ECM2: variants seen among roughly 807,000 people sequenced by gnomAD.
The protein encoded by ECM2 is extracellular matrix protein 2, also known as extracellular matrix protein 2, female organ and adipocyte specific.
A neutral mutation model predicts 67.5 loss-of-function variants in ECM2; 57 were observed. That is an observed-to-expected ratio of 0.84 (90% CI 0.68 to 1.05). ECM2 has a LOEUF of 1.05. Among genes scored for constraint, ECM2 ranks in the 50% least tolerant of loss-of-function variants. The probability of loss-of-function intolerance (pLI) is 0.00; values close to 1 mark genes in which losing one functional copy is unlikely to be tolerated. For missense variants in ECM2, 741 were observed against 822.8 expected (o/e 0.90, Z 1.22); for synonymous variants, 258 against 294.5 (o/e 0.88, Z 1.27).
chr9:92,539,722 C>CT (rs1470583183), upstream of ECM2, among the ~76,000 whole-genome samples: 1 of 152,058 alleles, frequency 6.6e-6, no homozygotes, highest in East Asian at 1.9e-4. Context: ...GTTCAAATGC[C>CT]TTTTAAGCTA....
At chr9:92,542,610 G>A in the ECM2 span, among the ~76,000 whole-genome samples, 681 of 151,742 alleles carry the variant, frequency 4.5e-3, 3 homozygotes, top group Middle Eastern at 6.8e-3. Flanking sequence ...TCTGCCTCCC[G>A]GGTTCAAGTA....
the ECM2 span, among the ~76,000 whole-genome samples, chr9:92,549,367 G>A: frequency 1.3e-5 from 2 of 152,142 alleles, no homozygotes; most frequent in African/African-American, 4.8e-5. Context: ...ACTAGATGAA[G>A]CTGGCCCAGT....
At chr9:92,545,737 A>G in the ECM2 span, among the ~76,000 whole-genome samples, 3 of 152,158 alleles carry the variant, frequency 2.0e-5, no homozygotes, top group African/African-American at 7.2e-5. Context: ...TCTAGTGGGG[A>G]TTTGGAGAAC....
chr9:92,524,151 G>A (rs1848247782), intron 1 of ECM2, among the ~76,000 whole-genome samples: 2 of 152,070 alleles, frequency 1.3e-5, no homozygotes, highest in Admixed American at 6.6e-5. Context: ...TTTCCCAGCC[G>A]TTTTCTGTTT....
At chr9:92,558,268 G>C in the ECM2 span, among the ~76,000 whole-genome samples, 3 of 152,162 alleles carry the variant, frequency 2.0e-5, no homozygotes, top group Non-Finnish European at 2.9e-5. Context: ...ATTTAGGTAG[G>C]TTCTATCAGA....
intron 6 of ECM2, among the ~76,000 whole-genome samples, chr9:92,506,379 A>G (rs975060657): frequency 6.6e-6 from 1 of 151,798 alleles, no homozygotes; most frequent in African/African-American, 2.4e-5. Flanking sequence ...GCCTTTATAC[A>G]AACAAATTTT....
intron 9 of ECM2, among the ~76,000 whole-genome samples, chr9:92,498,337 A>G (rs1846477652): frequency 6.6e-6 from 1 of 152,192 alleles, no homozygotes; most frequent in Non-Finnish European, 1.5e-5. Flanking sequence ...ATTAGGAGGT[A>G]TACCTAATAT....
At chr9:92,546,741 A>G in the ECM2 span, among the ~76,000 whole-genome samples, 4 of 152,216 alleles carry the variant, frequency 2.6e-5, no homozygotes, top group African/African-American at 9.6e-5. Flanking sequence ...ACACAATACT[A>G]TGAACAATTT....
chr9:92,500,998 G>A lies in ECM2; in HGVS notation c.1660C>T (p.Leu554=). 1 of 1,614,204 alleles carries A rather than the reference G, an allele frequency of 6.2e-7. No individual in the cohort carries two copies. Among genetic ancestry groups the A allele is most frequent in the Non-Finnish European group, 8.5e-7 (1 of 1,180,046 alleles). The change falls in exon 9 of 10, where the codon CTA becomes TTA. Residue 554 remains leucine, a synonymous_variant. Transcript: ENST00000344604. ...YNKLYHVPSY[L]PKSLLHLVLL... ...ACTAGGTGCAGCAAGGACTTGGGTA[G>A]ATAGGACGGGACGTGATAGAGCTTG...
chr9:92,539,440 T>C (rs1035207540), upstream of ECM2, among the ~76,000 whole-genome samples: 2 of 150,730 alleles, frequency 1.3e-5, no homozygotes, highest in Non-Finnish European at 2.9e-5. Context: ...TTTATGGGTT[T>C]GAGTCCCATT....
intron 2 of ECM2, among the ~76,000 whole-genome samples, chr9:92,520,898 C>T (rs753582605): frequency 1.3e-4 from 20 of 152,158 alleles, no homozygotes; most frequent in Non-Finnish European, 2.8e-4. Context: ...CATGAAATTT[C>T]CAGAATAGGC....
Position 92,515,351 on chromosome 9 carries a change from T to C in ECM2, c.482-148A>G, listed in dbSNP as rs990862361. 6.2e-6 allele frequency: 7 copies of C among 1,120,750 alleles called. No individual in the cohort carries two copies. The African/African-American group carries it at 1.1e-4, about 18-fold the overall frequency. 69.4% of individuals were successfully genotyped at this position (1,120,750 alleles called of 1,614,324 possible). ...ATGAAATGCACCTTGAAATTCTTGCTTAAAAAGTTTTAATAGTCACTTTAT... is the reference window on the plus strand; with the variant it reads ...ATGAAATGCACCTTGAAATTCTTGCCTAAAAAGTTTTAATAGTCACTTTAT... On this transcript the variant is annotated intron_variant, in intron 3 of 9. Coordinates refer to ENST00000344604, the MANE Select transcript of ECM2 (RefSeq NM_001393.4).
Position 92,514,274 on chromosome 9 carries a change from C to CTT in ECM2, c.1054+355_1054+356dup, listed in dbSNP as rs1044226766. On this transcript the variant is annotated intron_variant, in intron 4 of 9. Transcript: ENST00000344604. ...ACTGCATGTGGCTTAGAGTCATTTA[C>CTT]TTTTTTTTTTTTTTTTTTGAGATGG... 4.0e-3 allele frequency among the ~76,000 whole-genome samples: 521 copies of CTT among 130,736 alleles called. 3 individuals carry two copies. Among genetic ancestry groups the CTT allele is most frequent in the African/African-American group, 0.012 (434 of 35,762 alleles). The allele number at this position is 130,736 out of a possible 152,430, so 85.8% of individuals were successfully genotyped here. A position where few individuals can be genotyped will look rare whatever the true frequency, so the allele number is the denominator to read the frequency against.
At chr9:92,520,851 C>T (rs777285166) in intron 2 of ECM2, among the ~76,000 whole-genome samples, 2 of 152,100 alleles carry the variant, frequency 1.3e-5, no homozygotes, top group Non-Finnish European at 2.9e-5. Context: ...GTAAAGAAGT[C>T]AAATACACAA....
the ECM2 span, among the ~76,000 whole-genome samples, chr9:92,558,950 G>A: frequency 1.3e-5 from 2 of 151,920 alleles, no homozygotes; most frequent in African/African-American, 4.8e-5. Context: ...CAGTTCCCAC[G>A]CAAACTGCAA....
rs1452316116 is a variant in ECM2, at chr9:92,495,485, A to G, written c.*830T>C. 34 of 983,908 alleles carry G rather than the reference A, an allele frequency of 3.5e-5. No homozygotes were observed. The highest frequency in any genetic ancestry group is 3.9e-5 in the Non-Finnish European group (32 of 828,624). The allele number at this position is 983,908 out of a possible 1,614,324, so 60.9% of individuals were successfully genotyped here. A position where few individuals can be genotyped will look rare whatever the true frequency, so the allele number is the denominator to read the frequency against. On this transcript the variant is annotated 3_prime_UTR_variant, in exon 10 of 10. Transcript: ENST00000344604. ...TTTCAAAAATTTATACATTAGATTT[A>G]CCTTTACAAGGTTATAGTCAAGAAT...
At chr9:92,543,262 A>G in the ECM2 span, among the ~76,000 whole-genome samples, 1 of 152,264 alleles carries the variant, frequency 6.6e-6, no homozygotes, top group East Asian at 1.9e-4. Flanking sequence ...ACTTGAGGTC[A>G]GGAGTTCAAG....
At chr9:92,527,574 A>C (rs574325818) in intron 1 of ECM2, among the ~76,000 whole-genome samples, 133 of 152,322 alleles carry the variant, frequency 8.7e-4, no homozygotes, top group Admixed American at 2.2e-3. Flanking sequence ...GATTCTTAGA[A>C]GTCTGCTTCA....
At position 92,502,652 on chromosome 9, in the gene ECM2, C is replaced by A. The variant is rs754170132; in HGVS notation, c.1465G>T (p.Glu489Ter). 1.3e-6 allele frequency: 2 copies of A among 1,562,304 alleles called. No individual in the cohort carries two copies. Among genetic ancestry groups the A allele is most frequent in the Non-Finnish European group, 1.8e-6 (2 of 1,142,554 alleles). ...IPQGLPGSIE[E>*]LYLENNQIEE... ...ATTTGGTTATTTTCTAGGTATAATT[C>A]CTATAATTAAGAGAGAAGACTATTA... Residue 489 changes from glutamate to a stop codon, truncating the protein, a stop_gained and splice_region_variant, in exon 8 of 10, where the codon GAA becomes TAA. Transcript: ENST00000344604. LOFTEE classifies it high-confidence loss of function.
Sources: gnomAD v4.1 joint callset for allele counts (sites outside exome capture counted in the v4.1 genomes callset) on GRCh38, gnomAD v4.1.1 for gene constraint, MANE v1.5 for transcripts, NCBI Gene and HGNC (gene_info 2026-07-23, HGNC 2026-07-21) for gene names.